PDE4D: variants seen among roughly 807,000 people sequenced by gnomAD.
The protein encoded by PDE4D is phosphodiesterase 4D.
In PDE4D, 24 loss-of-function variants were observed where a neutral mutation model predicts 87.4. The ratio of observed to expected loss-of-function variants is 0.27; its 90% CI spans 0.20 to 0.39. PDE4D has a LOEUF of 0.39. Ranked by LOEUF, PDE4D falls within the 10% of genes least tolerant of loss-of-function variation. The pLI, the probability that PDE4D is intolerant of heterozygous loss-of-function variation, is 1.00. For missense variants in PDE4D, 714 were observed against 1,041.0 expected (o/e 0.69, Z 4.32); for synonymous variants, 384 against 383.2 (o/e 1.00, Z -0.02).
chr5:59,651,257 AC>A (rs1743437033), intron 1 of PDE4D, among the ~76,000 whole-genome samples: 1 of 91,056 alleles, frequency 1.1e-5, no homozygotes, highest in Non-Finnish European at 2.2e-5. Context: ...CTCTGTCTCA[AC>A]AATAATAATA....
At chr5:60,474,608 C>A (rs148185163) in intron 1 of PDE4D, among the ~76,000 whole-genome samples, 2 of 152,068 alleles carry the variant, frequency 1.3e-5, no homozygotes, top group Non-Finnish European at 2.9e-5. Context: ...ATTTAAAAAA[C>A]GTGTGCTGCC....
chr5:60,155,799 A>C (rs1354815556), intron 2 of PDE4D, among the ~76,000 whole-genome samples: 2 of 114,356 alleles, frequency 1.7e-5, no homozygotes, highest in African/African-American at 6.3e-5. Flanking sequence ...AAAGGTCTAA[A>C]AAACAGTCCA....
At chr5:59,810,061 G>T (rs1430084059) in intron 1 of PDE4D, among the ~76,000 whole-genome samples, 1 of 152,200 alleles carries the variant, frequency 6.6e-6, no homozygotes, top group Non-Finnish European at 1.5e-5. Flanking sequence ...AAAGATAATT[G>T]TAATTCCATT....
chr5:60,220,439 T>G (rs1744366680), intron 1 of PDE4D, among the ~76,000 whole-genome samples: 1 of 152,168 alleles, frequency 6.6e-6, no homozygotes, highest in Non-Finnish European at 1.5e-5. Context: ...TTACAGATTG[T>G]AATCACCTGG....
chr5:60,240,699 T>A (rs984452636), intron 1 of PDE4D, among the ~76,000 whole-genome samples: 2 of 152,080 alleles, frequency 1.3e-5, no homozygotes, highest in Non-Finnish European at 2.9e-5. Flanking sequence ...ATTCTGTGTT[T>A]GGGAGAAAGT....
chr5:60,218,685 CAA>C (rs1288290221), intron 1 of PDE4D, among the ~76,000 whole-genome samples: 2 of 151,916 alleles, frequency 1.3e-5, no homozygotes, highest in Non-Finnish European at 2.9e-5. Context: ...AGTTGAGCAA[CAA>C]AAGAGTCTAA....
Position 59,428,096 on chromosome 5 carries a change from T to C in PDE4D, c.456-212128A>G, listed in dbSNP as rs898834674. ...TTCATTGCTGCTCTTGAAATAAAAA[T>C]TGAGACCAATTAAATGATCATGTGG... On this transcript the variant is annotated intron_variant, in intron 1 of 14. Transcript: ENST00000340635. Among the ~76,000 whole-genome samples, 4 of 152,122 alleles carry C rather than the reference T, an allele frequency of 2.6e-5. 1 individual carries two copies. The highest frequency in any genetic ancestry group is 2.6e-4 in the Admixed American group (4 of 15,260).
chr5:59,142,603 T>C (rs1778049047), intron 5 of PDE4D, among the ~76,000 whole-genome samples: 1 of 152,214 alleles, frequency 6.6e-6, no homozygotes, highest in East Asian at 1.9e-4. Flanking sequence ...CACACAAAAG[T>C]AGTGGTTCTC....
chr5:59,902,103 G>A (rs1353771527), intron 3 of PDE4D, among the ~76,000 whole-genome samples: 1 of 151,958 alleles, frequency 6.6e-6, no homozygotes, highest in Non-Finnish European at 1.5e-5. Context: ...AACAACTACA[G>A]AAAGCAACCT....
intron 1 of PDE4D, among the ~76,000 whole-genome samples, chr5:59,669,439 A>C (rs1746809264): frequency 6.6e-6 from 1 of 152,182 alleles, no homozygotes; most frequent in Non-Finnish European, 1.5e-5. Context: ...AATGTAAATA[A>C]ATACTCTAAA....
At chr5:59,343,503 G>C (rs575408442) in intron 1 of PDE4D, among the ~76,000 whole-genome samples, 1 of 152,006 alleles carries the variant, frequency 6.6e-6, no homozygotes, top group Non-Finnish European at 1.5e-5. Flanking sequence ...ACCAACCCCT[G>C]GTTAAAACAA....
rs923245245 is a variant in PDE4D at position 59,498,402 on chromosome 5, A to G, written c.456-282434T>C. On this transcript the variant is annotated intron_variant, in intron 1 of 14. Coordinates refer to ENST00000340635, the MANE Select transcript of PDE4D (RefSeq NM_001104631.2). ...TTGCCATAGTGTTTTAACATAAAAT[A>G]TTAACTTTGGCCATGCAAAGTTAAT... 2.6e-5 allele frequency among the ~76,000 whole-genome samples: 4 copies of G among 151,420 alleles called. No homozygotes were observed. In the South Asian group the frequency reaches 8.4e-4, roughly 32 times the overall value.
At position 60,337,353 on chromosome 5, in the gene PDE4D, ATATATATAT is replaced by A. The variant is rs1561133772; in HGVS notation, c.-90+150580_-90+150588del. ...GTCTCAAAAAACAAACAAACAAACT[ATATATATAT>A]ATATATATATATATATATATATATA... is the stretch of plus-strand genomic sequence containing the variant. On this transcript the variant is annotated intron_variant, in intron 1 of 16. Transcript: ENST00000502484. 5.9e-3 allele frequency among the ~76,000 whole-genome samples: 511 copies of A among 86,272 alleles called. 18 individuals carry two copies. The highest frequency in any genetic ancestry group is 6.1e-3 in the Non-Finnish European group (254 of 41,762). The allele number at this position is 86,272 out of a possible 152,430, so 56.6% of individuals were successfully genotyped here.
chr5:59,602,424 A>G (rs1827640219), intron 1 of PDE4D, among the ~76,000 whole-genome samples: 1 of 152,054 alleles, frequency 6.6e-6, no homozygotes, highest in Non-Finnish European at 1.5e-5. Flanking sequence ...ATACAAAATC[A>G]ACATACAAAA....
At chr5:60,140,295 T>G (rs1216232264) in intron 2 of PDE4D, among the ~76,000 whole-genome samples, 1 of 152,026 alleles carries the variant, frequency 6.6e-6, no homozygotes, top group Non-Finnish European at 1.5e-5. Flanking sequence ...TCAAAAAATT[T>G]TCTAGTAATT....
At chr5:58,991,238 C>T (rs1747844864) in intron 8 of PDE4D, among the ~76,000 whole-genome samples, 1 of 152,164 alleles carries the variant, frequency 6.6e-6, no homozygotes, top group African/African-American at 2.4e-5. Flanking sequence ...GCCAAGATCG[C>T]GCCACTGCAT....
At chr5:59,687,219 C>A (rs940829698) in intron 1 of PDE4D, among the ~76,000 whole-genome samples, 1 of 151,980 alleles carries the variant, frequency 6.6e-6, no homozygotes, top group Non-Finnish European at 1.5e-5. Context: ...AAATTACCCT[C>A]TAGTAGAATG....
chr5:59,849,237 C>T (rs925005529), intron 1 of PDE4D, among the ~76,000 whole-genome samples: 1 of 151,634 alleles, frequency 6.6e-6, no homozygotes, highest in Non-Finnish European at 1.5e-5. Context: ...TTATAGAATG[C>T]TTTTTCAAGA....
intron 5 of PDE4D, chr5:59,039,586 ACT>A (rs1330036320): frequency 4.6e-6 from 4 of 862,672 alleles, no homozygotes; most frequent in East Asian, 2.4e-4. Flanking sequence ...TTCCGGGAAC[ACT>A]CCCCCTCACG....
Sources: allele counts gnomAD v4.1 joint callset (sites outside exome capture counted in the v4.1 genomes callset), GRCh38; gene constraint gnomAD v4.1.1; transcripts MANE v1.5; gene names NCBI Gene and HGNC (gene_info 2026-07-23, HGNC 2026-07-21).